EP400: variants seen among roughly 807,000 people sequenced by gnomAD.
EP400 encodes E1A binding protein p400.
In EP400, 105 loss-of-function variants were observed where a neutral mutation model predicts 354.1. That is an observed-to-expected ratio of 0.30 (90% CI 0.25 to 0.35). EP400 has a LOEUF of 0.35. Among genes scored for constraint, EP400 ranks in the 10% least tolerant of loss-of-function variants. The probability of loss-of-function intolerance (pLI) is 1.00; values close to 1 mark genes in which losing one functional copy is unlikely to be tolerated. For synonymous variants in EP400, 1,646 were observed against 1,716.9 expected, an observed-to-expected ratio of 0.96 and a Z score of 1.02; for missense variants, 3,280 against 4,121.0, an observed-to-expected ratio of 0.80 and a Z score of 5.59.
chr12:132,051,765 G>A (rs980171222), intron 41 of EP400, among the ~76,000 whole-genome samples: 1 of 151,990 alleles, frequency 6.6e-6, no homozygotes, highest in Non-Finnish European at 1.5e-5. Flanking sequence ...CTAATGTCAG[G>A]CCCTCCACAA....
Position 132,078,314 on chromosome 12 carries a change from AGG to A in EP400, c.*643_*644del. 2 of 152,792 alleles carry A rather than the reference AGG, an allele frequency of 1.3e-5. No homozygotes were observed. Among genetic ancestry groups the A allele is most frequent in the South Asian group, 4.1e-4 (2 of 4,842 alleles). The allele number at this position is 152,792 out of a possible 1,614,324, so 9.5% of individuals were successfully genotyped here. ...AAGGCACGTTCCTGGCCTGTGTTCA[AGG>A]GAAATGATCAGTCATTGCATTGTTA... On this transcript the variant is annotated 3_prime_UTR_variant, in exon 53 of 53. Coordinates refer to ENST00000389561, the MANE Select transcript of EP400 (RefSeq NM_015409.5).
intron 45 of EP400, among the ~76,000 whole-genome samples, chr12:132,055,721 G>T (rs560250299): frequency 1.4e-5 from 2 of 146,864 alleles, no homozygotes; most frequent in East Asian, 4.1e-4. Context: ...TGTGTGTGAA[G>T]TGTAGGGGTG....
At position 132,077,760 on chromosome 12, in the gene EP400, C is replaced by T. The variant is rs543162833; in HGVS notation, c.*87C>T. 5 of 1,413,594 alleles carry T rather than the reference C, an allele frequency of 3.5e-6. No individual in the cohort carries two copies. Among genetic ancestry groups the T allele is most frequent in the African/African-American group, 2.9e-5 (2 of 69,356 alleles). 87.6% of individuals were successfully genotyped at this position (1,413,594 alleles called of 1,614,324 possible). A position where few individuals can be genotyped will look rare whatever the true frequency, so the allele number is the denominator to read the frequency against. ...ATTAGTGAACCTTGGGACCATGTCA[C>T]GCAAGAGATTCAGCACTGGGAAAGA... On this transcript the variant is annotated 3_prime_UTR_variant, in exon 53 of 53. Coordinates refer to ENST00000389561, the MANE Select transcript of EP400 (RefSeq NM_015409.5).
intron 35 of EP400, 119 bp downstream of exon 35, chr12:132,044,430 A>C: frequency 7.2e-7 from 1 of 1,384,202 alleles, no homozygotes; most frequent in Non-Finnish European, 9.6e-7. Context: ...AGGAATTTTT[A>C]CTTCTCATAT....
At chr12:132,037,221 G>A (rs1894749512) in intron 30 of EP400, among the ~76,000 whole-genome samples, 1 of 152,170 alleles carries the variant, frequency 6.6e-6, no homozygotes, top group African/African-American at 2.4e-5. Flanking sequence ...TTGTGGGTCT[G>A]GTAGTGTACC....
intron 1 of EP400, among the ~76,000 whole-genome samples, chr12:131,952,495 C>T (rs1251560701): frequency 6.6e-6 from 1 of 151,778 alleles, no homozygotes; most frequent in Non-Finnish European, 1.5e-5. Flanking sequence ...CAGGGTCTTG[C>T]TCTGTCACCC....
At chr12:132,051,362 C>A (rs1895282880) in intron 41 of EP400, among the ~76,000 whole-genome samples, 1 of 152,156 alleles carries the variant, frequency 6.6e-6, no homozygotes, top group African/African-American at 2.4e-5. Flanking sequence ...TAAAAGACAG[C>A]TGGGACTGGG....
Position 132,077,964 on chromosome 12 carries a change from A to C in EP400, c.*291A>C. On this transcript the variant is annotated 3_prime_UTR_variant, in exon 53 of 53. Coordinates refer to ENST00000389561, the MANE Select transcript of EP400 (RefSeq NM_015409.5). ...CCACCCGCACCCGTCCCCTAGAGCC[A>C]TAGTACTGTGTTCTGAAAGCCATTT... 2.4e-6 allele frequency: 1 copy of C among 418,810 alleles called. No homozygotes were observed. 25.9% of individuals were successfully genotyped at this position (418,810 alleles called of 1,614,324 possible).
In EP400 at chr12:132,050,973, C is replaced by T. The variant is rs905038760; in HGVS notation, c.7394+318C>T. 1.5e-5 allele frequency: 7 copies of T among 474,142 alleles called. No individual in the cohort carries two copies. The highest frequency in any genetic ancestry group is 4.7e-5 in the South Asian group (2 of 42,246). The allele number at this position is 474,142 out of a possible 1,614,324, so 29.4% of individuals were successfully genotyped here. On this transcript the variant is annotated intron_variant, in intron 41 of 52. Coordinates refer to ENST00000389561, the MANE Select transcript of EP400 (RefSeq NM_015409.5). This position sits in a 1 kb window ranked among gnomAD's most constrained non-coding sequence, Gnocchi z 4.8. Reference sequence around the variant, plus strand: ...AGGGGCTTTCTTCCTCACACCCCACCTCTCAGGCACTGATTTTGTTCGCCA... The same window carrying T: ...AGGGGCTTTCTTCCTCACACCCCACTTCTCAGGCACTGATTTTGTTCGCCA...
intron 2 of EP400, among the ~76,000 whole-genome samples, chr12:131,966,914 A>C (rs1661539102): frequency 6.6e-6 from 1 of 150,640 alleles, no homozygotes; most frequent in African/African-American, 2.5e-5. Flanking sequence ...AAAAAAAAAA[A>C]AAAAAAAAAA....
chr12:132,046,312 G>A (rs1399085736), intron 39 of EP400, among the ~76,000 whole-genome samples: 3 of 152,144 alleles, frequency 2.0e-5, no homozygotes, highest in African/African-American at 4.8e-5. Flanking sequence ...TTTGATCATG[G>A]CGTACTTAAA....
chr12:132,041,591 A>C (rs7399344), intron 32 of EP400, among the ~76,000 whole-genome samples: 42,618 of 152,056 alleles, frequency 0.28, 9,199 homozygotes, highest in African/African-American at 0.61. Context: ...GACGTGATGG[A>C]GTGGTTCATT....
At chr12:131,960,557 G>A (rs919971989) in intron 1 of EP400, 28 bp from the exon 2 acceptor site, 69 of 1,510,510 alleles carry the variant, frequency 4.6e-5, no homozygotes, top group Non-Finnish European at 5.9e-5. Flanking sequence ...GTGCCTTCAA[G>A]TGACTTGATT....
intron 45 of EP400, among the ~76,000 whole-genome samples, chr12:132,060,855 G>A (rs945018185): frequency 5.3e-5 from 8 of 151,212 alleles, no homozygotes; most frequent in African/African-American, 1.9e-4. Flanking sequence ...CAGAGGTTGC[G>A]GTGAGCCAAG....
At position 132,025,196 on chromosome 12, in the gene EP400, CAG is replaced by C. The variant is rs2136548242; in HGVS notation, c.4856-448_4856-447del. On this transcript the variant is annotated intron_variant, in intron 24 of 52. Transcript: ENST00000389561. The surrounding 1 kb of genome is among the most constrained non-coding windows in gnomAD (Gnocchi z 4.1). ...CTATCTTCTCCAGAGTAAAAGAAGT[CAG>C]AAAGATGTAGTCACACAAGATCCAA... 6.6e-6 allele frequency among the ~76,000 whole-genome samples: 1 copy of C among 152,240 alleles called. No homozygotes were observed. The highest frequency in any genetic ancestry group is 2.1e-4 in the South Asian group (1 of 4,816).
intron 15 of EP400, among the ~76,000 whole-genome samples, chr12:132,009,105 A>G (rs1373234890): frequency 6.7e-6 from 1 of 149,140 alleles, no homozygotes; most frequent in Non-Finnish European, 1.5e-5. Flanking sequence ...GCTAAGTTTT[A>G]TATTTTTGGC....
chr12:132,019,905 C>T (rs1016346134), intron 21 of EP400, 144 bp from the exon 22 acceptor site: 4 of 864,936 alleles, frequency 4.6e-6, no homozygotes, highest in Non-Finnish European at 3.3e-6. Context: ...GCATCTTTCC[C>T]CTTCCCTCTG....
At position 132,066,901 on chromosome 12, in the gene EP400, G is replaced by C. The variant is rs1895910618; in HGVS notation, c.8681G>C (p.Gly2894Ala). 1 of 1,613,072 alleles carries C rather than the reference G, an allele frequency of 6.2e-7. No individual in the cohort carries two copies. Among genetic ancestry groups the C allele is most frequent in the African/African-American group, 1.3e-5 (1 of 74,894 alleles). The change falls in exon 49 of 53, where the codon GGA (glycine) becomes GCA (alanine). Residue 2894 changes from glycine to alanine, a missense_variant. Gly to Ala is a moderately conservative substitution (Grantham distance 60). This residue lies in a region of EP400 where 279 missense variants were observed against 386.7 expected (regional missense o/e 0.72). Transcript: ENST00000389561. The part of the protein sequence containing the change: ...SVPAAVVSSP[G>A]VTTLPMNVAG... ...CCGGCAGCTGTGGTCTCCTCACCGG[G>C]AGTCACCACCCTGCCCATGAACGTC...
At chr12:132,019,110 G>A (rs536474168) in intron 21 of EP400, among the ~76,000 whole-genome samples, 2 of 152,292 alleles carry the variant, frequency 1.3e-5, no homozygotes, top group East Asian at 3.9e-4. Context: ...GACCCAGCAG[G>A]CTGCTCCTCA....
Sources: allele counts gnomAD v4.1 joint callset (sites outside exome capture counted in the v4.1 genomes callset), GRCh38; gene constraint gnomAD v4.1.1; regional missense constraint gnomAD v4.1.1; non-coding constraint Gnocchi (gnomAD v3.1); transcripts MANE v1.5; gene names NCBI Gene and HGNC (gene_info 2026-07-23, HGNC 2026-07-21).